SLC5A4: variants seen among roughly 807,000 people sequenced by gnomAD.
SLC5A4 encodes the protein solute carrier family 5 member 4, also known as probable glucose sensor protein SLC5A4.
A neutral mutation model predicts 70.3 loss-of-function variants in SLC5A4; 55 were observed. The ratio of observed to expected loss-of-function variants is 0.78; its 90% CI spans 0.63 to 0.98. The LOEUF is 0.98. Ranked by LOEUF, SLC5A4 falls within the 50% of genes least tolerant of loss-of-function variation. SLC5A4 has a pLI of 0.00. For missense variants in SLC5A4, 735 were observed against 839.2 expected (o/e 0.88, Z 1.53); for synonymous variants, 268 against 305.7 (o/e 0.88, Z 1.29).
chr22:32,251,420 C>T (rs1927149423), intron 3 of SLC5A4, among the ~76,000 whole-genome samples: 1 of 151,920 alleles, frequency 6.6e-6, no homozygotes, highest in Non-Finnish European at 1.5e-5. Flanking sequence ...GAGTGGGTTC[C>T]TGATTTTAAA....
the SLC5A4 span, among the ~76,000 whole-genome samples, chr22:32,333,991 GACACACTAC>G: frequency 1.8e-5 from 2 of 111,772 alleles, no homozygotes; most frequent in African/African-American, 2.9e-5. Context: ...ATGCAACACA[GACACACTAC>G]ACACACTACA....
chr22:32,264,817 A>G, the SLC5A4 span, among the ~76,000 whole-genome samples: 1 of 152,142 alleles, frequency 6.6e-6, no homozygotes, highest in East Asian at 1.9e-4. Flanking sequence ...TAAGACTAAG[A>G]ATGTATGTAT....
the SLC5A4 span, among the ~76,000 whole-genome samples, chr22:32,314,662 C>A: frequency 2.0e-5 from 3 of 152,088 alleles, no homozygotes; most frequent in South Asian, 2.1e-4. Flanking sequence ...CTGTATTAAT[C>A]CATTTTCATG....
chr22:32,251,290 C>T (rs1270094156), intron 3 of SLC5A4, among the ~76,000 whole-genome samples: 18 of 150,950 alleles, frequency 1.2e-4, no homozygotes, highest in Non-Finnish European at 2.7e-4. Flanking sequence ...GTGTTGGAAA[C>T]TTAATCCCCA....
chr22:32,278,851 A>G, the SLC5A4 span, among the ~76,000 whole-genome samples: 63 of 152,368 alleles, frequency 4.1e-4, no homozygotes, highest in Non-Finnish European at 8.4e-4. Flanking sequence ...AGAAAACAAG[A>G]TTACAGATCA....
the SLC5A4 span, among the ~76,000 whole-genome samples, chr22:32,339,551 T>C: frequency 6.6e-6 from 1 of 152,044 alleles, no homozygotes; most frequent in Non-Finnish European, 1.5e-5. Flanking sequence ...GCGTGGGTGT[T>C]GTGTTTTTAC....
At chr22:32,343,485 G>A in the SLC5A4 span, among the ~76,000 whole-genome samples, 1 of 152,182 alleles carries the variant, frequency 6.6e-6, no homozygotes, top group Non-Finnish European at 1.5e-5. Context: ...TTTAAGAAAT[G>A]GAGAAAAGTA....
chr22:32,347,476 C>T, the SLC5A4 span, among the ~76,000 whole-genome samples: 3 of 151,982 alleles, frequency 2.0e-5, no homozygotes, highest in African/African-American at 7.3e-5. Context: ...CAATGATAGA[C>T]TGGATTAAGA....
the SLC5A4 span, among the ~76,000 whole-genome samples, chr22:32,330,871 G>GA: frequency 1.0e-5 from 1 of 96,328 alleles, no homozygotes; most frequent in Admixed American, 1.3e-4. Flanking sequence ...GTGTTGGAGG[G>GA]TCTGCTGTGT....
At chr22:32,350,748 A>G in the SLC5A4 span, among the ~76,000 whole-genome samples, 1 of 152,216 alleles carries the variant, frequency 6.6e-6, no homozygotes, top group African/African-American at 2.4e-5. Flanking sequence ...ATATTTTTAC[A>G]CATATCAACA....
At chr22:32,309,673 T>C in the SLC5A4 span, among the ~76,000 whole-genome samples, 1 of 152,042 alleles carries the variant, frequency 6.6e-6, no homozygotes, top group Non-Finnish European at 1.5e-5. Context: ...ACACCTGCTT[T>C]CCACACCGAG....
At chr22:32,291,143 T>C in the SLC5A4 span, among the ~76,000 whole-genome samples, 3 of 151,916 alleles carry the variant, frequency 2.0e-5, no homozygotes, top group East Asian at 5.8e-4. Flanking sequence ...GTTTATTTTC[T>C]TTTTCTTTAG....
Position 32,229,202 on chromosome 22 carries a change from TA to T in SLC5A4, c.1271del (p.Ile424LysfsTer10). ...AACCAGGGTTCACTCACCGTCCAGC[TA>T]TCAGGAGCTCTTTCTCCGACGCTTG... ...RKQASEKELLIAGRIFVLLLT... is the reference protein window; with the variant it reads ...RKQASEKELLXAGRIFVLLLT... On this transcript the variant is annotated frameshift_variant, in exon 11 of 15. Coordinates refer to ENST00000266086, the MANE Select transcript of SLC5A4 (RefSeq NM_014227.3). LOFTEE classifies it high-confidence loss of function. 3 of 1,614,024 alleles carry T rather than the reference TA, an allele frequency of 1.9e-6. No individual in the cohort carries two copies. Among genetic ancestry groups the T allele is most frequent in the Non-Finnish European group, 2.5e-6 (3 of 1,179,932 alleles).
chr22:32,339,791 G>A, the SLC5A4 span, among the ~76,000 whole-genome samples: 4 of 152,318 alleles, frequency 2.6e-5, no homozygotes, highest in Non-Finnish European at 4.4e-5. Context: ...GGTAGCCCAC[G>A]AAGGGGCCAA....
intron 1 of SLC5A4, among the ~76,000 whole-genome samples, chr22:32,254,823 A>T (rs369578457): frequency 6.6e-6 from 1 of 152,090 alleles, no homozygotes; most frequent in African/African-American, 2.4e-5. Flanking sequence ...AAAAATTTGC[A>T]GTCTCAAATT....
chr22:32,247,166 A>G (rs1926877358), intron 5 of SLC5A4, among the ~76,000 whole-genome samples: 1 of 152,140 alleles, frequency 6.6e-6, no homozygotes, highest in Admixed American at 6.5e-5. Flanking sequence ...CCTTGATGAG[A>G]GGGGAGATTT....
chr22:32,294,189 T>C, the SLC5A4 span, among the ~76,000 whole-genome samples: 149 of 152,342 alleles, frequency 9.8e-4, no homozygotes, highest in African/African-American at 3.4e-3. Context: ...ACTGGAACAA[T>C]TGTATTTGTT....
the SLC5A4 span, among the ~76,000 whole-genome samples, chr22:32,347,636 A>G: frequency 2.1e-5 from 3 of 145,330 alleles, no homozygotes. Context: ...GTTCTCACTC[A>G]TAGATGGGAA....
chr22:32,336,909 T>C, the SLC5A4 span, among the ~76,000 whole-genome samples: 2 of 152,242 alleles, frequency 1.3e-5, no homozygotes, highest in Non-Finnish European at 1.5e-5. Flanking sequence ...CAGCCTTCAA[T>C]AAATGCTTGC....
Sources: allele counts gnomAD v4.1 joint callset (sites outside exome capture counted in the v4.1 genomes callset), GRCh38; gene constraint gnomAD v4.1.1; transcripts MANE v1.5; gene names NCBI Gene and HGNC (gene_info 2026-07-23, HGNC 2026-07-21).